SELENOI: variants seen among roughly 807,000 people sequenced by gnomAD.
SELENOI encodes selenoprotein I.
SELENOI carries 24 observed loss-of-function variants against 50.7 expected under a neutral mutation model. The observed-to-expected ratio is 0.47, with a 90% CI of 0.34 to 0.67. The LOEUF is 0.67. Among genes scored for constraint, SELENOI ranks in the 30% least tolerant of loss-of-function variants. SELENOI has a pLI of 0.01. For synonymous variants in SELENOI, 155 were observed against 170.2 expected (o/e 0.91, Z 0.70); for missense variants, 352 against 461.4 (o/e 0.76, Z 2.17).
At chr2:26,379,501 A>C (rs1297689050) in intron 6 of SELENOI, among the ~76,000 whole-genome samples, 1 of 152,050 alleles carries the variant, frequency 6.6e-6, no homozygotes, top group Non-Finnish European at 1.5e-5. Flanking sequence ...GTTGGGGGGC[A>C]TGCTGGGGAA....
At chr2:26,366,525 T>C (rs993479754) in intron 3 of SELENOI, among the ~76,000 whole-genome samples, 6 of 152,260 alleles carry the variant, frequency 3.9e-5, no homozygotes, top group African/African-American at 1.4e-4. Context: ...TCCCAAAATA[T>C]TTGGAAAATA....
chr2:26,354,036 T>C (rs1677013995), intron 1 of SELENOI, among the ~76,000 whole-genome samples: 2 of 151,994 alleles, frequency 1.3e-5, no homozygotes, highest in African/African-American at 2.4e-5. Flanking sequence ...CCTTGGGAGC[T>C]CAGTGAGGGA....
Position 26,395,228 on chromosome 2 carries a change from A to G in SELENOI, c.*6125A>G, listed in dbSNP as rs1678064195. ...TGCAGTCTGCTTGATTATCAGCAAA[A>G]TGGTCAGCCTTTATCAGATAGTTTC... is the stretch of plus-strand genomic sequence containing the variant. On this transcript the variant is annotated 3_prime_UTR_variant, in exon 10 of 10. Transcript: ENST00000260585. The G allele has an allele frequency of 6.6e-6, 1 of 152,170 alleles. No homozygotes were observed. Among genetic ancestry groups the G allele is most frequent in the Non-Finnish European group, 1.5e-5 (1 of 68,030 alleles). 9.4% of individuals were successfully genotyped at this position (152,170 alleles called of 1,614,324 possible). A position where few individuals can be genotyped will look rare whatever the true frequency, so the allele number is the denominator to read the frequency against.
At chr2:26,364,604 C>G (rs1397535531) in intron 2 of SELENOI, among the ~76,000 whole-genome samples, 1 of 152,066 alleles carries the variant, frequency 6.6e-6, no homozygotes, top group Admixed American at 6.5e-5. Flanking sequence ...CTAAAATAGA[C>G]TTAATGTTAT....
intron 5 of SELENOI, 136 bp downstream of exon 5, chr2:26,373,765 T>C (rs1194750714): frequency 1.1e-6 from 1 of 903,796 alleles, no homozygotes; most frequent in East Asian, 2.7e-5. Context: ...TTTTTATTTA[T>C]GGAAAATTTC....
At chr2:26,372,141 T>G (rs116764786) in intron 4 of SELENOI, among the ~76,000 whole-genome samples, 2,840 of 152,332 alleles carry the variant, frequency 0.019, 44 homozygotes, top group Non-Finnish European at 0.03. Flanking sequence ...AGACAGAGTT[T>G]CGCTCTTGTT....
At position 26,389,170 on chromosome 2, in the gene SELENOI, T is replaced by C; in HGVS notation, c.*67T>C. 1 of 1,162,390 alleles carries C rather than the reference T, an allele frequency of 8.6e-7. No homozygotes were observed. Among genetic ancestry groups the C allele is most frequent in the Non-Finnish European group, 1.3e-6 (1 of 795,696 alleles). 72.0% of individuals were successfully genotyped at this position (1,162,390 alleles called of 1,614,324 possible). ...TTGTAAATATTTCCTCCATCACCAT[T>C]GAACTAGACTGATCTGCTTGACAGA... On this transcript the variant is annotated 3_prime_UTR_variant, in exon 10 of 10. Coordinates refer to ENST00000260585, the MANE Select transcript of SELENOI (RefSeq NM_033505.4).
chr2:26,346,152 GC>G lies in SELENOI; in HGVS notation c.-78del. ...GGGCAGCCCAGTCTTTGCCATCCTT[GC>G]CCAGCCGGTGTGGTGCTTGTGTGTC... On this transcript the variant is annotated 5_prime_UTR_variant, in exon 1 of 10. Transcript: ENST00000260585. 2 of 1,606,542 alleles carry G rather than the reference GC, an allele frequency of 1.2e-6. No homozygotes were observed.
rs890377594 is a variant in SELENOI, at chr2:26,389,695, A to G, written c.*592A>G. 1.3e-5 allele frequency: 2 copies of G among 152,892 alleles called. No individual in the cohort carries two copies. The highest frequency in any genetic ancestry group is 6.5e-5 in the Admixed American group (1 of 15,320). The allele number at this position is 152,892 out of a possible 1,614,324, so 9.5% of individuals were successfully genotyped here. A position where few individuals can be genotyped will look rare whatever the true frequency, so the allele number is the denominator to read the frequency against. The stretch of plus-strand genomic sequence containing the variant: ...AGCTAATATTCTAGCTCTCTTTATT[A>G]TGGAACAGATCTTGATAGATGGTTT... On this transcript the variant is annotated 3_prime_UTR_variant, in exon 10 of 10. Transcript: ENST00000260585.
At chr2:26,386,855 G>T (rs927990606) in intron 9 of SELENOI, among the ~76,000 whole-genome samples, 2 of 152,162 alleles carry the variant, frequency 1.3e-5, no homozygotes, top group African/African-American at 4.8e-5. Flanking sequence ...TGAGCCTTTA[G>T]TTATATGGGA....
chr2:26,370,520 G>A (rs1487008886), intron 4 of SELENOI, among the ~76,000 whole-genome samples: 3 of 144,894 alleles, frequency 2.1e-5, no homozygotes, highest in African/African-American at 7.6e-5. Context: ...AGACGGGGCG[G>A]CTGGCCGGGC....
At position 26,368,660 on chromosome 2, in the gene SELENOI, T is replaced by A. The variant is rs201084693; in HGVS notation, c.310+1440T>A. On this transcript the variant is annotated intron_variant, in intron 4 of 9. Transcript: ENST00000260585. ...TGATATATGCCCTGAATTACCTTTT[T>A]AAGAAAAAAAAATTCTAAAGCATAT... is the stretch of plus-strand genomic sequence containing the variant. Among the ~76,000 whole-genome samples the A allele has an allele frequency of 1.2e-4, 19 of 152,150 alleles. No homozygotes were observed. The East Asian group carries it at 2.3e-3, about 19-fold the overall frequency.
At chr2:26,383,225 G>T in intron 6 of SELENOI, 74 bp from the exon 7 acceptor site, 4 of 1,123,218 alleles carry the variant, frequency 3.6e-6, no homozygotes, top group Non-Finnish European at 4.9e-6. Flanking sequence ...AAAAAAATTT[G>T]TTTTGCATGA....
intron 4 of SELENOI, among the ~76,000 whole-genome samples, chr2:26,370,968 G>T (rs1157348241): frequency 1.7e-5 from 2 of 118,788 alleles, no homozygotes; most frequent in Admixed American, 8.1e-5. Flanking sequence ...GCGGCTGGCC[G>T]GGCGGGGGGC....
chr2:26,351,633 A>G (rs1041420360), intron 1 of SELENOI, among the ~76,000 whole-genome samples: 7 of 152,180 alleles, frequency 4.6e-5, no homozygotes, highest in African/African-American at 1.7e-4. Flanking sequence ...GTCTTTAGAC[A>G]TAATGGTGGA....
rs116548301 is a variant in SELENOI, at chr2:26,351,526, T to G, written c.57+5237T>G. On this transcript the variant is annotated intron_variant, in intron 1 of 9. Coordinates refer to ENST00000260585, the MANE Select transcript of SELENOI (RefSeq NM_033505.4). Reference sequence around the variant, plus strand: ...TCATAAATCAGACTGTACTACCAGGTTAAGAGGGGAGAAAGGCATTATGGA... The same window carrying G: ...TCATAAATCAGACTGTACTACCAGGGTAAGAGGGGAGAAAGGCATTATGGA... Among the ~76,000 whole-genome samples the G allele has an allele frequency of 9.6e-3, 1,458 of 152,262 alleles. 29 individuals carry two copies. Among genetic ancestry groups the G allele is most frequent in the African/African-American group, 0.033 (1,376 of 41,536 alleles).
At chr2:26,350,133 T>C (rs975841825) in intron 1 of SELENOI, among the ~76,000 whole-genome samples, 1 of 151,466 alleles carries the variant, frequency 6.6e-6, no homozygotes, top group African/African-American at 2.4e-5. Context: ...TGTGTATAAA[T>C]ATATATATAG....
At chr2:26,356,712 A>G (rs1217113440) in intron 1 of SELENOI, among the ~76,000 whole-genome samples, 1 of 152,106 alleles carries the variant, frequency 6.6e-6, no homozygotes, top group African/African-American at 2.4e-5. Flanking sequence ...CATTTTCTAC[A>G]TCATGTTCAG....
intron 3 of SELENOI, among the ~76,000 whole-genome samples, chr2:26,365,854 T>C (rs1374004105): frequency 1.4e-5 from 2 of 139,258 alleles, no homozygotes; most frequent in African/African-American, 5.6e-5. Context: ...CAGGCTGGAG[T>C]ACAATGATGC....
Sources: allele counts gnomAD v4.1 joint callset (sites outside exome capture counted in the v4.1 genomes callset), GRCh38; gene constraint gnomAD v4.1.1; transcripts MANE v1.5; gene names NCBI Gene and HGNC (gene_info 2026-07-23, HGNC 2026-07-21).